The following FNIP1 variants were observed in gnomAD, a reference collection of about 807,000 sequenced individuals.
FNIP1 encodes folliculin interacting protein 1.
In FNIP1, 40 loss-of-function variants were observed where a neutral mutation model predicts 124.5. The ratio of observed to expected loss-of-function variants is 0.32; its 90% confidence interval spans 0.25 to 0.42. The LOEUF is 0.42. FNIP1 is among the 10% of genes least tolerant of loss of function. The pLI, the probability that FNIP1 is intolerant of heterozygous loss-of-function variation, is 1.00. For synonymous variants in FNIP1, 472 were observed against 470.6 expected (o/e 1.00, Z -0.04); for missense variants, 1,176 against 1,403.7 (o/e 0.84, Z 2.59).
rs757329513 is a variant in FNIP1, at chr5:131,671,680, C to T, written c.2764G>A (p.Asp922Asn). ...LVPHGDKESS[D>N]KKIAVGTEWD... ...TCAGTTCCTACAGCAATTTTTTTAT[C>T]TGAACTCTCTTTATCCCCATGGGGG... Residue 922 changes from aspartate (D) to asparagine (N), a missense_variant, in exon 14 of 18, where the codon GAT (aspartate) becomes AAT (asparagine). By Grantham distance (23) the Asp-to-Asn change is conservative (BLOSUM62 1). Coordinates refer to ENST00000510461, the MANE Select transcript of FNIP1 (RefSeq NM_133372.3). 11 of 1,614,034 alleles carry T rather than the reference C, an allele frequency of 6.8e-6. No homozygotes were observed. Among genetic ancestry groups the T allele is most frequent in the Non-Finnish European group, 9.3e-6 (11 of 1,180,018 alleles).
At chr5:131,648,521 A>T (rs1766956153) in intron 16 of FNIP1, among the ~76,000 whole-genome samples, 1 of 152,178 alleles carries the variant, frequency 6.6e-6, no homozygotes, top group Non-Finnish European at 1.5e-5. Flanking sequence ...CTACTTTATT[A>T]TTGTAAAACA....
intron 2 of FNIP1, among the ~76,000 whole-genome samples, chr5:131,731,835 G>A (rs1315014558): frequency 6.6e-6 from 1 of 151,294 alleles, no homozygotes; most frequent in Non-Finnish European, 1.5e-5. Flanking sequence ...CCAAGTTAAT[G>A]TAAGTAACAC....
chr5:131,746,385 T>C (rs745982796), intron 1 of FNIP1, among the ~76,000 whole-genome samples: 1 of 152,168 alleles, frequency 6.6e-6, no homozygotes, highest in African/African-American at 2.4e-5. Context: ...AGAGAGAGCA[T>C]ACAACCCAAC....
chr5:131,709,282 A>C lies in FNIP1; in HGVS notation c.707-10T>G. On this transcript the variant is annotated splice_polypyrimidine_tract_variant and intron_variant, in intron 7 of 17. Coordinates refer to ENST00000510461, the MANE Select transcript of FNIP1 (RefSeq NM_133372.3). ...ATTGGGTTGCTGTGAACTATAAATA[A>C]AGATGAAACTGTCAGTTATAAAATA... 1 of 1,610,994 alleles carries C rather than the reference A, an allele frequency of 6.2e-7. No individual in the cohort carries two copies. Among genetic ancestry groups the C allele is most frequent in the Non-Finnish European group, 8.5e-7 (1 of 1,177,258 alleles).
chr5:131,654,269 T>C (rs2149505699), intron 15 of FNIP1, among the ~76,000 whole-genome samples: 1 of 152,306 alleles, frequency 6.6e-6, no homozygotes, highest in Non-Finnish European at 1.5e-5. Flanking sequence ...TTTTCTGTAT[T>C]TGGAAAGGTA....
At chr5:131,780,298 G>A (rs558802868) in intron 1 of FNIP1, among the ~76,000 whole-genome samples, 1 of 152,202 alleles carries the variant, frequency 6.6e-6, no homozygotes, top group Non-Finnish European at 1.5e-5. Context: ...ACATATGGGA[G>A]TGTCAATGAG....
chr5:131,694,427 A>C (rs1561659091), intron 11 of FNIP1, among the ~76,000 whole-genome samples: 3 of 152,164 alleles, frequency 2.0e-5, no homozygotes. Context: ...AACAACAGCA[A>C]CACCACCACC....
chr5:131,781,215 G>C (rs1771985790), intron 1 of FNIP1, among the ~76,000 whole-genome samples: 1 of 152,224 alleles, frequency 6.6e-6, no homozygotes, highest in African/African-American at 2.4e-5. Flanking sequence ...GTATAGGTTA[G>C]TTCATGAGGT....
intron 11 of FNIP1, among the ~76,000 whole-genome samples, chr5:131,693,248 T>C (rs2149526173): frequency 7.1e-6 from 1 of 140,284 alleles, no homozygotes; most frequent in South Asian, 2.2e-4. Context: ...TACACAATTT[T>C]TACCTGTCAA....
chr5:131,716,257 G>A (rs1769462921), intron 6 of FNIP1, among the ~76,000 whole-genome samples: 1 of 152,048 alleles, frequency 6.6e-6, no homozygotes, highest in Non-Finnish European at 1.5e-5. Context: ...ACTACTAAGG[G>A]CTTTTCTTAT....
chr5:131,766,229 A>G (rs1235112349), intron 1 of FNIP1, among the ~76,000 whole-genome samples: 1 of 151,938 alleles, frequency 6.6e-6, no homozygotes, highest in African/African-American at 2.4e-5. Context: ...AGGACTACAG[A>G]AAGGGTCTTG....
intron 10 of FNIP1, 48 bp downstream of exon 10, chr5:131,704,017 A>G (rs1205998242): frequency 5.6e-6 from 8 of 1,415,980 alleles, no homozygotes; most frequent in South Asian, 1.3e-5. Flanking sequence ...CTTAATTGGG[A>G]GAATAAGATT....
rs1352139705 is a variant in FNIP1, at chr5:131,672,054, G to A, written c.2390C>T (p.Thr797Ile). ...AGATTGGTCCTTGGTTGTTTGTTTA[G>A]TTTCTTGATGCTGATCAATAGCCCC... ...ERGAIDQHQE[T>I]KQTTKDQSGE... is the part of the protein sequence containing the mutation. The change falls in exon 14 of 18, where the codon ACT (threonine) becomes ATT (isoleucine). Residue 797 changes from threonine to isoleucine, a missense_variant. By Grantham distance (89) the Thr-to-Ile change is moderately conservative (BLOSUM62 -1). This residue lies in a region of FNIP1 where 1,109 missense variants were observed against 1,288.5 expected (regional missense o/e 0.86). Coordinates refer to ENST00000510461, the MANE Select transcript of FNIP1 (RefSeq NM_133372.3). 9.3e-6 allele frequency: 15 copies of A among 1,614,024 alleles called. No individual in the cohort carries two copies. The highest frequency in any genetic ancestry group is 1.3e-5 in the Non-Finnish European group (15 of 1,180,026).
At chr5:131,684,126 C>A (rs568954496) in intron 11 of FNIP1, among the ~76,000 whole-genome samples, 1 of 152,128 alleles carries the variant, frequency 6.6e-6, no homozygotes, top group African/African-American at 2.4e-5. Context: ...AAGTCACTAA[C>A]AAAAAGCAGA....
In FNIP1 at chr5:131,679,107, C is replaced by G; in HGVS notation, c.1271G>C (p.Gly424Ala). Residue 424 changes from glycine to alanine, a missense_variant, in exon 12 of 18, where the codon GGG becomes GCG. Coordinates refer to ENST00000510461, the MANE Select transcript of FNIP1 (RefSeq NM_133372.3). ...GCAAAGGTGGTTCTTTTCTGGAGTCCCCGACATCATTGTAAGCCAGACAGG... is the reference window on the plus strand; with the variant it reads ...GCAAAGGTGGTTCTTTTCTGGAGTCGCCGACATCATTGTAAGCCAGACAGG... ...GEPVWLTMMS[G>A]TPEKNHLCYR... 6.2e-7 allele frequency: 1 copy of G among 1,607,750 alleles called. No homozygotes were observed. The highest frequency in any genetic ancestry group is 1.3e-5 in the African/African-American group (1 of 74,790).
chr5:131,753,132 A>T (rs1416041574), intron 1 of FNIP1, among the ~76,000 whole-genome samples: 1 of 152,168 alleles, frequency 6.6e-6, no homozygotes, highest in African/African-American at 2.4e-5. Flanking sequence ...TAAAATGGCT[A>T]AAACTGACAC....
chr5:131,652,120 A>C, intron 15 of FNIP1, 121 bp from the exon 16 acceptor site: 1 of 796,426 alleles, frequency 1.3e-6, no homozygotes, highest in South Asian at 1.9e-5. Context: ...TCAATATTTC[A>C]ATATCTCCTT....
chr5:131,720,851 G>A (rs1769632997), intron 3 of FNIP1, among the ~76,000 whole-genome samples: 1 of 152,202 alleles, frequency 6.6e-6, no homozygotes, highest in South Asian at 2.1e-4. Flanking sequence ...GAGGATGTGG[G>A]AAAACTGGAG....
intron 15 of FNIP1, among the ~76,000 whole-genome samples, chr5:131,664,526 C>T (rs939801675): frequency 3.3e-5 from 5 of 149,746 alleles, no homozygotes; most frequent in African/African-American, 1.2e-4. Flanking sequence ...GTCCCAGCTA[C>T]TGGGCAAGCT....
Sources: allele counts gnomAD v4.1 joint callset (sites outside exome capture counted in the v4.1 genomes callset), GRCh38; gene constraint gnomAD v4.1.1; regional missense constraint gnomAD v4.1.1; transcripts MANE v1.5; gene names NCBI Gene and HGNC (gene_info 2026-07-23, HGNC 2026-07-21).